JRK: variants seen among roughly 807,000 people sequenced by gnomAD.
JRK encodes jerky protein homolog.
For synonymous variants in JRK, 303 were observed against 218.1 expected (o/e 1.39, Z -3.43); for missense variants, 720 against 509.2 (o/e 1.41, Z -3.98).
Position 142,662,816 on chromosome 8 carries a change from AAG to A in JRK, c.*1534_*1535del. On this transcript the variant is annotated 3_prime_UTR_variant, in exon 2 of 2. Transcript: ENST00000612905. ...TGACTCGGCCAAATGATATGAATTTAAGAGAGGAAAAGAATTCAAGGGCAAAG... is the reference window on the plus strand; with the variant it reads ...TGACTCGGCCAAATGATATGAATTTAAGAGGAAAAGAATTCAAGGGCAAAG... The A allele has an allele frequency of 1.0e-6, 1 of 985,440 alleles. No individual in the cohort carries two copies. Among genetic ancestry groups the A allele is most frequent in the Non-Finnish European group, 1.2e-6 (1 of 829,906 alleles). 61.0% of individuals were successfully genotyped at this position (985,440 alleles called of 1,614,324 possible).
In JRK at chr8:142,665,672, G is replaced by A. The variant is rs370556573; in HGVS notation, c.387C>T (p.Cys129=). 2.9e-5 allele frequency: 21 copies of A among 725,830 alleles called. 1 individual carries two copies. Among genetic ancestry groups the A allele is most frequent in the South Asian group, 1.2e-4 (8 of 68,222 alleles). The allele number at this position is 725,830 out of a possible 1,614,324, so 45.0% of individuals were successfully genotyped here. ...GCCAAAGCCACCCTCCGGAGAACAC[G>A]CAGGGCTCAGTGAGCTGCATCTGCT... The part of the protein sequence containing the change: ...FYEQMQLTEP[C]VFSGGWLWRF... Residue 129 remains cysteine, a synonymous_variant, in exon 2 of 2, where the codon TGC becomes TGT. Coordinates refer to ENST00000612905, the MANE Select transcript of JRK (RefSeq NM_003724.4).
intron 1 of JRK, among the ~76,000 whole-genome samples, chr8:142,668,308 T>C (rs1257193552): frequency 1.3e-5 from 2 of 152,228 alleles, no homozygotes; most frequent in Admixed American, 6.5e-5. Flanking sequence ...AGAAAAATTA[T>C]AGGCTTGTTG....
chr8:142,654,832 C>T (rs1846719589), downstream of JRK, among the ~76,000 whole-genome samples: 1 of 151,940 alleles, frequency 6.6e-6, no homozygotes, highest in Non-Finnish European at 1.5e-5. Flanking sequence ...CCCAGGCCCT[C>T]CTCAGTGAAG....
downstream of JRK, among the ~76,000 whole-genome samples, chr8:142,652,573 T>C (rs1479759047): frequency 8.2e-5 from 8 of 97,696 alleles, no homozygotes; most frequent in Admixed American, 4.9e-4. Context: ...AGGGGTGACT[T>C]TGAATAGGAG....
At chr8:142,648,908 T>C in the JRK span, among the ~76,000 whole-genome samples, 1 of 152,222 alleles carries the variant, frequency 6.6e-6, no homozygotes, top group Non-Finnish European at 1.5e-5. Flanking sequence ...AGGGTGGAGC[T>C]GCCCAAGACC....
intron 1 of JRK, 143 bp downstream of exon 1, chr8:142,669,789 C>G (rs1162538255): frequency 6.7e-6 from 1 of 149,276 alleles, no homozygotes; most frequent in East Asian, 2.0e-4. Flanking sequence ...AGCCTCGCGA[C>G]CAACCCCGCC....
At position 142,663,278 on chromosome 8, in the gene JRK, G is replaced by A. The variant is rs782697864; in HGVS notation, c.*1074C>T. On this transcript the variant is annotated 3_prime_UTR_variant, in exon 2 of 2. Coordinates refer to ENST00000612905, the MANE Select transcript of JRK (RefSeq NM_003724.4). ...GTGTTGCCCGTGAAATGGAGATGCC[G>A]CAAAGCAACTACAGACATGGAGAAA... 163 of 985,420 alleles carry A rather than the reference G, an allele frequency of 1.7e-4. No homozygotes were observed. The highest frequency in any genetic ancestry group is 1.8e-4 in the Non-Finnish European group (152 of 829,924). 61.0% of individuals were successfully genotyped at this position (985,420 alleles called of 1,614,324 possible).
rs782242968 is a variant in JRK at position 142,664,868 on chromosome 8, AGAG to A, written c.1188_1190del (p.Ser397del). The A allele has an allele frequency of 8.4e-6, 12 of 1,431,884 alleles. No individual in the cohort carries two copies. Among genetic ancestry groups the A allele is most frequent in the Admixed American group, 1.7e-5 (1 of 59,102 alleles). 88.7% of individuals were successfully genotyped at this position (1,431,884 alleles called of 1,614,324 possible). ...AGCACTCTGCCTCCAACTCCTCCTC[AGAG>A]GAGGAGCCTTCGGCAAACGCAACCG... On this transcript the variant is annotated inframe_deletion, in exon 2 of 2. Coordinates refer to ENST00000612905, the MANE Select transcript of JRK (RefSeq NM_003724.4).
At chr8:142,668,936 T>A (rs754175774) in intron 1 of JRK, among the ~76,000 whole-genome samples, 1 of 151,718 alleles carries the variant, frequency 6.6e-6, no homozygotes, top group Non-Finnish European at 1.5e-5. Context: ...TGGGATTCCC[T>A]GTCTCCCCGA....
At chr8:142,647,323 G>A in the JRK span, among the ~76,000 whole-genome samples, 1 of 152,066 alleles carries the variant, frequency 6.6e-6, no homozygotes, top group Non-Finnish European at 1.5e-5. Flanking sequence ...GGAGGCAGCG[G>A]AAGTTGTACA....
downstream of JRK, among the ~76,000 whole-genome samples, chr8:142,655,360 A>T (rs587712619): frequency 1.3e-5 from 2 of 152,348 alleles, no homozygotes; most frequent in Admixed American, 1.3e-4. Flanking sequence ...CACACGAATC[A>T]GACATTCTTG....
In JRK at chr8:142,660,233, G is replaced by T; in HGVS notation, c.*4119C>A. 1 of 985,566 alleles carries T rather than the reference G, an allele frequency of 1.0e-6. No individual in the cohort carries two copies. The highest frequency in any genetic ancestry group is 1.2e-6 in the Non-Finnish European group (1 of 830,070). The allele number at this position is 985,566 out of a possible 1,614,324, so 61.1% of individuals were successfully genotyped here. ...AGGAGAGTCCTCGAACCCAGAGGGG[G>T]CTGGGTAAGCAGCAGAAGTGCAGAA... On this transcript the variant is annotated 3_prime_UTR_variant, in exon 2 of 2. Coordinates refer to ENST00000612905, the MANE Select transcript of JRK (RefSeq NM_003724.4).
In JRK at chr8:142,658,622, C is replaced by G; in HGVS notation, c.*5730G>C. 2.1e-6 allele frequency: 1 copy of G among 479,990 alleles called. No homozygotes were observed. The highest frequency in any genetic ancestry group is 3.7e-5 in the Admixed American group (1 of 27,018). 29.7% of individuals were successfully genotyped at this position (479,990 alleles called of 1,614,324 possible). A position where few individuals can be genotyped will look rare whatever the true frequency, so the allele number is the denominator to read the frequency against. ...CGATCTCATCGGCGAGCCCCACCCT[C>G]ACGATCTCACCTAAGCCTAGTCACC... On this transcript the variant is annotated 3_prime_UTR_variant, in exon 2 of 2. Coordinates refer to ENST00000612905, the MANE Select transcript of JRK (RefSeq NM_003724.4).
At chr8:142,668,605 G>A (rs1371452842) in intron 1 of JRK, among the ~76,000 whole-genome samples, 1 of 151,848 alleles carries the variant, frequency 6.6e-6, no homozygotes, top group Non-Finnish European at 1.5e-5. Flanking sequence ...GGACTGGGAT[G>A]CAGAGAAAAG....
chr8:142,661,734 C>T lies in JRK; in HGVS notation c.*2618G>A. On this transcript the variant is annotated 3_prime_UTR_variant, in exon 2 of 2. Transcript: ENST00000612905. ...GAAACAGAGTGAAGAGACACAGCCT[C>T]ACAGAGCTGTGCTGTGGTGTCTGGT... 5 of 985,510 alleles carry T rather than the reference C, an allele frequency of 5.1e-6. No individual in the cohort carries two copies. Among genetic ancestry groups the T allele is most frequent in the Non-Finnish European group, 6.0e-6 (5 of 829,966 alleles). 61.0% of individuals were successfully genotyped at this position (985,510 alleles called of 1,614,324 possible).
chr8:142,663,976 G>T lies in JRK; in HGVS notation c.*376C>A. On this transcript the variant is annotated 3_prime_UTR_variant, in exon 2 of 2. Coordinates refer to ENST00000612905, the MANE Select transcript of JRK (RefSeq NM_003724.4). ...GGCCTGGAGGGCAACTTCTCTCCAC[G>T]TGGACAGACTGACATCTCCACCCTC... is the stretch of plus-strand genomic sequence containing the variant. 1 of 1,028,792 alleles carries T rather than the reference G, an allele frequency of 9.7e-7. No individual in the cohort carries two copies. The highest frequency in any genetic ancestry group is 1.2e-6 in the Non-Finnish European group (1 of 858,872). The allele number at this position is 1,028,792 out of a possible 1,614,324, so 63.7% of individuals were successfully genotyped here.
At chr8:142,649,630 C>A in the JRK span, among the ~76,000 whole-genome samples, 2 of 152,248 alleles carry the variant, frequency 1.3e-5, no homozygotes, top group Non-Finnish European at 2.9e-5. Flanking sequence ...CAAGCCTTGG[C>A]AGCTTCCACA....
the JRK span, among the ~76,000 whole-genome samples, chr8:142,648,970 A>G: frequency 6.6e-6 from 1 of 152,208 alleles, no homozygotes; most frequent in African/African-American, 2.4e-5. Context: ...AAATGGAGTC[A>G]AAGGAGATCA....
rs1276131777 is a variant in JRK, at chr8:142,664,674, A to G, written c.1385T>C (p.Val462Ala). The change falls in exon 2 of 2, where the codon GTG becomes GCG. Residue 462 changes from valine (V) to alanine (A), a missense_variant. Transcript: ENST00000612905. ...PPAATSPAEV[V>A]WSSEKTPKAD... ...TTTCGGAGTCTTTTCTGAACTCCAC[A>G]CAACCTCTGCTGGCGACGTGGCAGC... The G allele has an allele frequency of 1.9e-6, 3 of 1,611,352 alleles. No homozygotes were observed. The highest frequency in any genetic ancestry group is 3.3e-5 in the Admixed American group (2 of 59,822).
Sources: gnomAD v4.1 joint callset for allele counts (sites outside exome capture counted in the v4.1 genomes callset) on GRCh38, gnomAD v4.1.1 for gene constraint, MANE v1.5 for transcripts, NCBI Gene and HGNC (gene_info 2026-07-23, HGNC 2026-07-21) for gene names.